Variants in KTN1 observed in about 807,000 individuals in gnomAD.
KTN1 encodes the protein kinectin 1.
Under a neutral mutation model 222.5 loss-of-function variants are expected in KTN1, and 130 were observed. The ratio of observed to expected loss-of-function variants is 0.58; its 90% CI spans 0.51 to 0.68. The LOEUF is 0.68. KTN1 is among the 30% of genes least tolerant of loss of function. The pLI is 0.00. For synonymous variants in KTN1, 512 were observed against 496.3 expected, an observed-to-expected ratio of 1.03 and a Z score of -0.42; for missense variants, 1,508 against 1,500.4, an observed-to-expected ratio of 1.01 and a Z score of -0.08.
At chr14:55,585,326 T>G (rs531128711) in intron 1 of KTN1, among the ~76,000 whole-genome samples, 1 of 152,130 alleles carries the variant, frequency 6.6e-6, no homozygotes, top group Non-Finnish European at 1.5e-5. Context: ...CCCTCTTACA[T>G]ACTCCACATG....
intron 8 of KTN1, 66 bp from the exon 9 acceptor site, chr14:55,634,460 T>G: frequency 7.1e-7 from 1 of 1,410,164 alleles, no homozygotes; most frequent in Non-Finnish European, 9.5e-7. Context: ...TAACAAAGTA[T>G]GTTTTGTTTA....
At chr14:55,671,913 C>A in intron 37 of KTN1, 36 bp downstream of exon 37, 1 of 1,229,760 alleles carries the variant, frequency 8.1e-7, no homozygotes, top group Non-Finnish European at 1.2e-6. Flanking sequence ...CAGTGGTTCT[C>A]GATGTGTGGG....
At chr14:55,585,161 A>G (rs10148983) in intron 1 of KTN1, among the ~76,000 whole-genome samples, 11,750 of 148,908 alleles carry the variant, frequency 0.079, 526 homozygotes, top group South Asian at 0.12. Context: ...AAAAAATCTC[A>G]CATTCCTTCC....
intron 1 of KTN1, among the ~76,000 whole-genome samples, chr14:55,596,357 TAGTG>T (rs1566670602): frequency 6.6e-6 from 1 of 152,096 alleles, no homozygotes; most frequent in Admixed American, 6.6e-5. Flanking sequence ...CATTTTCTAA[TAGTG>T]AGGAAAGCAG....
At position 55,635,323 on chromosome 14, in the gene KTN1, A is replaced by G. The variant is rs907909428; in HGVS notation, c.1461+665A>G. ...ATCATATATATGGGGGTTAGGGTCT[A>G]CAGTATAGGGCAGAAATCATGTAGT... On this transcript the variant is annotated intron_variant, in intron 9 of 43. Coordinates refer to ENST00000395314, the MANE Select transcript of KTN1 (RefSeq NM_001079521.2). 7.2e-5 allele frequency among the ~76,000 whole-genome samples: 11 copies of G among 152,214 alleles called. No individual in the cohort carries two copies. The East Asian group carries it at 2.1e-3, about 29-fold the overall frequency.
intron 32 of KTN1, chr14:55,662,829 C>T (rs1204687481): frequency 2.2e-6 from 1 of 455,486 alleles, no homozygotes; most frequent in African/African-American, 2.0e-5. Flanking sequence ...ATTGCTTAGC[C>T]ACAAAACTTG....
At chr14:55,664,521 TG>T (rs1289247148) in intron 33 of KTN1, among the ~76,000 whole-genome samples, 1 of 152,148 alleles carries the variant, frequency 6.6e-6, no homozygotes, top group African/African-American at 2.4e-5. Flanking sequence ...GTGTGTTGCT[TG>T]GAATGGTTCC....
intron 30 of KTN1, among the ~76,000 whole-genome samples, chr14:55,659,294 G>T (rs2043844591): frequency 6.8e-6 from 1 of 147,624 alleles, no homozygotes; most frequent in Non-Finnish European, 1.5e-5. Context: ...TCCTAGTTTT[G>T]CTTTTGATTT....
chr14:55,596,200 A>C (rs550251462), intron 1 of KTN1, among the ~76,000 whole-genome samples: 2 of 151,370 alleles, frequency 1.3e-5, no homozygotes, highest in Non-Finnish European at 2.9e-5. Context: ...TAAATGGTTT[A>C]TAGTGGATGG....
At chr14:55,657,329 C>T (rs1004558668) in intron 29 of KTN1, among the ~76,000 whole-genome samples, 12 of 149,452 alleles carry the variant, frequency 8.0e-5, no homozygotes, top group African/African-American at 2.0e-4. Flanking sequence ...AAGCATTTTT[C>T]GTATGTTCAA....
At chr14:55,621,609 G>A (rs145585107) in intron 5 of KTN1, among the ~76,000 whole-genome samples, 95 of 152,016 alleles carry the variant, frequency 6.2e-4, no homozygotes, top group African/African-American at 2.1e-3. Flanking sequence ...ACTTATTCAC[G>A]ACCAGGAAAA....
intron 25 of KTN1, among the ~76,000 whole-genome samples, chr14:55,652,393 CTTTTTTTTTT>C (rs769501863): frequency 8.5e-6 from 1 of 117,426 alleles, no homozygotes. Flanking sequence ...TCTTAAATGC[CTTTTTTTTTT>C]TTTTTTTTTT....
chr14:55,654,709 CGTT>C (rs895617514), intron 28 of KTN1, among the ~76,000 whole-genome samples: 3 of 151,854 alleles, frequency 2.0e-5, no homozygotes, highest in African/African-American at 7.3e-5. Flanking sequence ...ACATTGTTAT[CGTT>C]GTTATTAACT....
chr14:55,605,264 C>A (rs1010087705), intron 1 of KTN1, among the ~76,000 whole-genome samples: 1 of 152,020 alleles, frequency 6.6e-6, no homozygotes, highest in Non-Finnish European at 1.5e-5. Context: ...TTAACCTATC[C>A]ATTTGGTTTT....
chr14:55,679,618 G>A lies in KTN1; in HGVS notation c.4002G>A (p.Gln1334=). The change falls in exon 43 of 44, where the codon CAG becomes CAA. Residue 1334 remains glutamine (Q), a synonymous_variant. Transcript: ENST00000395314. ...TAAGTCTAAATCAGACTGTAACACA[G>A]TTACAGCAGTTGCTTCAGGCGGTAA... The part of the protein sequence containing the change: ...MSVSLNQTVT[Q]LQQLLQAVNQ... The A allele has an allele frequency of 3.1e-6, 5 of 1,612,752 alleles. No homozygotes were observed. Among genetic ancestry groups the A allele is most frequent in the Non-Finnish European group, 4.2e-6 (5 of 1,178,736 alleles).
intron 1 of KTN1, among the ~76,000 whole-genome samples, chr14:55,604,179 A>G (rs2036402029): frequency 6.6e-6 from 1 of 152,056 alleles, no homozygotes; most frequent in African/African-American, 2.4e-5. Flanking sequence ...CTTTGACCTC[A>G]TCAGTTTATC....
At chr14:55,652,800 T>C (rs935712870) in intron 25 of KTN1, 50 bp from the exon 26 acceptor site, 4 of 1,366,398 alleles carry the variant, frequency 2.9e-6, no homozygotes, top group African/African-American at 2.9e-5. Flanking sequence ...TTTTTGCTTT[T>C]TATGGTCATG....
chr14:55,604,242 T>C (rs974125358), intron 1 of KTN1, among the ~76,000 whole-genome samples: 1 of 152,196 alleles, frequency 6.6e-6, no homozygotes, highest in African/African-American at 2.4e-5. Context: ...TGCTCATATA[T>C]AGCAGGTATG....
intron 31 of KTN1, chr14:55,661,289 T>C: frequency 5.8e-6 from 2 of 347,638 alleles, no homozygotes; most frequent in East Asian, 4.7e-5. Context: ...GATTTCTCTT[T>C]AGCACAAGCC....
Sources: allele counts gnomAD v4.1 joint callset (sites outside exome capture counted in the v4.1 genomes callset), GRCh38; gene constraint gnomAD v4.1.1; transcripts MANE v1.5; gene names NCBI Gene and HGNC (gene_info 2026-07-23, HGNC 2026-07-21).